Variants in DLG2 observed in about 807,000 individuals in gnomAD.
DLG2 encodes disks large homolog 2.
Under a neutral mutation model 132.5 loss-of-function variants are expected in DLG2, and 45 were observed. The ratio of observed to expected loss-of-function variants is 0.34; its 90% confidence interval spans 0.27 to 0.44. DLG2 has a LOEUF of 0.44. Ranked by LOEUF, DLG2 falls within the 20% of genes least tolerant of loss-of-function variation. The pLI is 1.00. For synonymous variants in DLG2, 424 were observed against 419.6 expected (o/e 1.01, Z -0.13); for missense variants, 1,045 against 1,196.9 (o/e 0.87, Z 1.87).
chr11:83,812,108 G>T (rs950325586), intron 17 of DLG2, among the ~76,000 whole-genome samples: 1 of 152,082 alleles, frequency 6.6e-6, no homozygotes, highest in Admixed American at 6.6e-5. Flanking sequence ...TACTGAGCTG[G>T]AAACACTCTT....
intron 7 of DLG2, among the ~76,000 whole-genome samples, chr11:84,297,701 G>C (rs909011275): frequency 6.6e-6 from 1 of 151,778 alleles, no homozygotes; most frequent in Non-Finnish European, 1.5e-5. Flanking sequence ...ATGGCTTTTT[G>C]TTGAACTTTG....
chr11:85,531,300 T>C (rs1369721258), intron 3 of DLG2, among the ~76,000 whole-genome samples: 2 of 152,190 alleles, frequency 1.3e-5, no homozygotes, highest in Non-Finnish European at 2.9e-5. Context: ...ATATACATCA[T>C]CACCAGATGT....
At position 85,421,954 on chromosome 11, in the gene DLG2, T is replaced by G. The variant is rs185134866; in HGVS notation, c.41-136589A>C. On this transcript the variant is annotated intron_variant, in intron 3 of 27. Coordinates refer to ENST00000376104, the MANE Select transcript of DLG2 (RefSeq NM_001142699.3). Reference sequence around the variant, plus strand: ...TTTCCTTCATATATAAAGCTTAGTTTCACTGGATACACAATTTTTGGCTGA... The same window carrying G: ...TTTCCTTCATATATAAAGCTTAGTTGCACTGGATACACAATTTTTGGCTGA... 2.9e-3 allele frequency among the ~76,000 whole-genome samples: 442 copies of G among 152,252 alleles called. 1 individual carries two copies. The highest frequency in any genetic ancestry group is 0.01 in the African/African-American group (428 of 41,540).
intron 17 of DLG2, among the ~76,000 whole-genome samples, chr11:83,825,072 CAT>C (rs1432552555): frequency 2.1e-5 from 3 of 144,628 alleles, no homozygotes; most frequent in Admixed American, 7.1e-5. Context: ...TATATATACA[CAT>C]ATATATACAC....
intron 3 of DLG2, among the ~76,000 whole-genome samples, chr11:85,481,486 T>A (rs547354354): frequency 6.6e-6 from 1 of 152,128 alleles, no homozygotes; most frequent in South Asian, 2.1e-4. Flanking sequence ...TTCACCCAAC[T>A]CCAGGCAGCA....
chr11:83,850,905 G>A (rs965095271), intron 16 of DLG2, among the ~76,000 whole-genome samples: 13 of 152,078 alleles, frequency 8.5e-5, no homozygotes, highest in Admixed American at 2.0e-4. Flanking sequence ...GGCCGGGCGC[G>A]GTGGCTCACA....
intron 9 of DLG2, among the ~76,000 whole-genome samples, chr11:84,130,892 C>T (rs550036311): frequency 3.4e-5 from 5 of 147,726 alleles, no homozygotes; most frequent in South Asian, 4.3e-4. Flanking sequence ...CAAACTCATA[C>T]AGAGAAAAAA....
chr11:84,923,631 C>T (rs555339046), intron 6 of DLG2: 1 of 980,350 alleles, frequency 1.0e-6, no homozygotes, highest in African/African-American at 1.7e-5. Context: ...AATATGAGCT[C>T]TGCACTATAT....
chr11:85,279,513 A>T (rs2152750023), intron 4 of DLG2, among the ~76,000 whole-genome samples: 1 of 152,048 alleles, frequency 6.6e-6, no homozygotes, highest in African/African-American at 2.4e-5. Context: ...GTATGAAAAC[A>T]CTCACTTCTC....
At chr11:83,901,096 G>A (rs1164779901) in intron 15 of DLG2, among the ~76,000 whole-genome samples, 1 of 152,144 alleles carries the variant, frequency 6.6e-6, no homozygotes, top group African/African-American at 2.4e-5. Flanking sequence ...CTTTGTTTTG[G>A]CCAATGTCTC....
At chr11:85,087,860 A>AAAAAAAAG (rs1566822697) in intron 6 of DLG2, among the ~76,000 whole-genome samples, 2 of 147,776 alleles carry the variant, frequency 1.4e-5, no homozygotes, top group African/African-American at 5.0e-5. Context: ...AAAAAAAAAA[A>AAAAAAAAG]AAAAAAAAAC....
chr11:83,828,714 T>G (rs2053606661), intron 17 of DLG2, among the ~76,000 whole-genome samples: 1 of 152,170 alleles, frequency 6.6e-6, no homozygotes, highest in Non-Finnish European at 1.5e-5. Flanking sequence ...AGGCCCTCCT[T>G]ATACATGGGT....
intron 8 of DLG2, among the ~76,000 whole-genome samples, chr11:84,224,845 T>C (rs566879461): frequency 1.3e-5 from 2 of 152,328 alleles, no homozygotes; most frequent in Admixed American, 1.3e-4. Context: ...GAATTACCTA[T>C]CCTTTTTCAT....
chr11:83,492,250 T>C (rs922944148), intron 21 of DLG2, among the ~76,000 whole-genome samples: 1 of 152,088 alleles, frequency 6.6e-6, no homozygotes, highest in Non-Finnish European at 1.5e-5. Context: ...ACATAGTTCA[T>C]CATATCTTTC....
At chr11:85,611,962 GA>G (rs574393077) in intron 2 of DLG2, among the ~76,000 whole-genome samples, 1 of 151,756 alleles carries the variant, frequency 6.6e-6, no homozygotes, top group East Asian at 1.9e-4. Context: ...TAGAGAGAGA[GA>G]AAAAGAGAGA....
intron 6 of DLG2, among the ~76,000 whole-genome samples, chr11:84,611,837 T>C (rs1022144071): frequency 6.6e-6 from 1 of 152,168 alleles, no homozygotes; most frequent in Non-Finnish European, 1.5e-5. Context: ...TAGCAAAATA[T>C]CTGAAGCATC....
At chr11:83,995,023 A>G (rs2093951436) in intron 11 of DLG2, among the ~76,000 whole-genome samples, 1 of 149,436 alleles carries the variant, frequency 6.7e-6, no homozygotes, top group South Asian at 2.1e-4. Context: ...ATTGGAATAG[A>G]GTCTACCAGT....
intron 18 of DLG2, among the ~76,000 whole-genome samples, chr11:83,650,468 G>A (rs2069860309): frequency 6.6e-6 from 1 of 152,106 alleles, no homozygotes; most frequent in African/African-American, 2.4e-5. Context: ...CTTCACGGGG[G>A]ACTAGCCTTG....
At chr11:83,860,659 AG>A (rs151176595) in intron 16 of DLG2, among the ~76,000 whole-genome samples, 12,038 of 152,168 alleles carry the variant, frequency 0.079, 608 homozygotes, top group African/African-American at 0.14. Context: ...TGCTGAAATG[AG>A]TTAAGACTTT....
Sources: gnomAD v4.1 joint callset for allele counts (sites outside exome capture counted in the v4.1 genomes callset) on GRCh38, gnomAD v4.1.1 for gene constraint, MANE v1.5 for transcripts, NCBI Gene and HGNC (gene_info 2026-07-23, HGNC 2026-07-21) for gene names.